The following RAB11FIP2 variants were observed in gnomAD, a reference collection of about 807,000 sequenced individuals.
RAB11FIP2 encodes the protein rab11 family-interacting protein 2.
Under a neutral mutation model 40.9 loss-of-function variants are expected in RAB11FIP2, and 16 were observed. The ratio of observed to expected loss-of-function variants is 0.39; its 90% CI spans 0.26 to 0.59. The LOEUF (loss-of-function observed/expected upper bound fraction) is 0.59. RAB11FIP2 is among the 20% of genes least tolerant of loss of function. The pLI, the probability that RAB11FIP2 is intolerant of heterozygous loss-of-function variation, is 0.53. For synonymous variants in RAB11FIP2, 228 were observed against 213.7 expected (o/e 1.07, Z -0.58); for missense variants, 532 against 606.2 (o/e 0.88, Z 1.28).
intron 3 of RAB11FIP2, among the ~76,000 whole-genome samples, chr10:118,032,239 C>A (rs1382560018): frequency 6.6e-6 from 1 of 152,008 alleles, no homozygotes; most frequent in Non-Finnish European, 1.5e-5. Flanking sequence ...GGGTAGCATA[C>A]AAATAGAAGC....
chr10:118,036,575 A>G (rs1233461861), intron 3 of RAB11FIP2, among the ~76,000 whole-genome samples: 1 of 152,124 alleles, frequency 6.6e-6, no homozygotes. Flanking sequence ...GGGTCTATTT[A>G]TATTCAATTC....
At chr10:118,019,492 T>G (rs1375611448) in intron 3 of RAB11FIP2, among the ~76,000 whole-genome samples, 2 of 151,810 alleles carry the variant, frequency 1.3e-5, no homozygotes, top group African/African-American at 2.4e-5. Context: ...TTCCAAGGAG[T>G]GTGTCCTATT....
chr10:118,031,300 T>C (rs1257734068), intron 3 of RAB11FIP2, among the ~76,000 whole-genome samples: 1 of 152,160 alleles, frequency 6.6e-6, no homozygotes, highest in Non-Finnish European at 1.5e-5. Context: ...AAACTATCAA[T>C]AGGCTCTTTT....
intron 4 of RAB11FIP2, among the ~76,000 whole-genome samples, chr10:118,013,697 C>T (rs1267866281): frequency 6.6e-6 from 1 of 151,986 alleles, no homozygotes; most frequent in Non-Finnish European, 1.5e-5. Context: ...AGTTAGTATT[C>T]CAGAGAAAAA....
rs139177744 is a variant in RAB11FIP2, at chr10:118,024,898, C to T, written c.1266-9788G>A. On this transcript the variant is annotated intron_variant, in intron 3 of 4. Coordinates refer to ENST00000355624, the MANE Select transcript of RAB11FIP2 (RefSeq NM_014904.3). Reference sequence around the variant, plus strand: ...AACAGCCTGCAATGAAGCCCCTGGCCAGCAAGCACCCACTTTCCTAGCCCC... The same window carrying T: ...AACAGCCTGCAATGAAGCCCCTGGCTAGCAAGCACCCACTTTCCTAGCCCC... Among the ~76,000 whole-genome samples the T allele has an allele frequency of 7.7e-3, 1,165 of 152,266 alleles. 8 individuals carry two copies. Among genetic ancestry groups the T allele is most frequent in the Non-Finnish European group, 0.012 (832 of 68,018 alleles).
chr10:118,039,709 G>A (rs1339767169), intron 2 of RAB11FIP2: 2 of 404,202 alleles, frequency 4.9e-6, no homozygotes, highest in Non-Finnish European at 8.8e-6. Context: ...TAGAGGTTCT[G>A]GTTGGCATGA....
intron 3 of RAB11FIP2, among the ~76,000 whole-genome samples, chr10:118,038,462 T>C (rs922664392): frequency 3.9e-5 from 6 of 152,020 alleles, no homozygotes; most frequent in African/African-American, 4.8e-5. Flanking sequence ...TGAATTCCAA[T>C]AACAAGCATT....
chr10:118,035,112 G>A (rs942411536), intron 3 of RAB11FIP2, among the ~76,000 whole-genome samples: 21 of 152,136 alleles, frequency 1.4e-4, no homozygotes, highest in Admixed American at 1.3e-3. Context: ...TGGAGGCCAT[G>A]TGTTAAATGG....
rs1846639154 is a variant in RAB11FIP2 at position 118,046,414 on chromosome 10, C to T, written c.-251G>A. ...CATCACCTGGCCGCGCCGTGCAGGC[C>T]TCTGCGCGGACCCCCGCCCCTGTCT... is the stretch of plus-strand genomic sequence containing the variant. On this transcript the variant is annotated 5_prime_UTR_variant, in exon 1 of 5. Transcript: ENST00000355624. 4.1e-6 allele frequency: 2 copies of T among 485,578 alleles called. No homozygotes were observed. The highest frequency in any genetic ancestry group is 3.9e-5 in the African/African-American group (2 of 51,680). 30.1% of individuals were successfully genotyped at this position (485,578 alleles called of 1,614,324 possible).
rs1846536096 is a variant in RAB11FIP2 at position 118,040,163 on chromosome 10, GAGA to G, written c.753_755del (p.Leu252del). ...TTCCAAAGGAATCTAACTGGTGTCC[GAGA>G]AGATGTGTTTGACCTATGGTGCCAG... On this transcript the variant is annotated inframe_deletion, in exon 2 of 5. Coordinates refer to ENST00000355624, the MANE Select transcript of RAB11FIP2 (RefSeq NM_014904.3). The G allele has an allele frequency of 1.9e-6, 3 of 1,613,610 alleles. No individual in the cohort carries two copies. The highest frequency in any genetic ancestry group is 2.5e-6 in the Non-Finnish European group (3 of 1,179,738).
In RAB11FIP2 at chr10:118,008,734, C is replaced by T. The variant is rs1846123381; in HGVS notation, c.*264G>A. ...CTATGGCAGATTAGTGGGTCAGTAC[C>T]AGCACCTGAGTGAGTCCTAAGGAAC... On this transcript the variant is annotated 3_prime_UTR_variant, in exon 5 of 5. Transcript: ENST00000355624. 2.4e-6 allele frequency: 1 copy of T among 421,372 alleles called. No homozygotes were observed. The highest frequency in any genetic ancestry group is 4.0e-5 in the Admixed American group (1 of 25,030). 26.1% of individuals were successfully genotyped at this position (421,372 alleles called of 1,614,324 possible). A position where few individuals can be genotyped will look rare whatever the true frequency, so the allele number is the denominator to read the frequency against.
chr10:118,023,712 C>A (rs1381242778), intron 3 of RAB11FIP2, among the ~76,000 whole-genome samples: 1 of 152,056 alleles, frequency 6.6e-6, no homozygotes, highest in African/African-American at 2.4e-5. Context: ...TGGTGAAAGT[C>A]CTAGAACTTG....
intron 3 of RAB11FIP2, among the ~76,000 whole-genome samples, chr10:118,023,602 G>C (rs1375948761): frequency 6.6e-6 from 1 of 152,048 alleles, no homozygotes; most frequent in Non-Finnish European, 1.5e-5. Context: ...AGCTCTCAGA[G>C]GCAAGACAAT....
chr10:118,020,968 C>A (rs761139155), intron 3 of RAB11FIP2, among the ~76,000 whole-genome samples: 1 of 152,066 alleles, frequency 6.6e-6, no homozygotes, highest in African/African-American at 2.4e-5. Flanking sequence ...CAATTTCTGG[C>A]GTATGCTCCA....
intron 4 of RAB11FIP2, among the ~76,000 whole-genome samples, chr10:118,009,764 C>T (rs1441469267): frequency 1.3e-5 from 2 of 152,106 alleles, no homozygotes; most frequent in Non-Finnish European, 2.9e-5. Context: ...ATTATCCTTA[C>T]AGGAAGCCCC....
At chr10:118,016,158 C>T (rs1846217259) in intron 3 of RAB11FIP2, among the ~76,000 whole-genome samples, 2 of 152,134 alleles carry the variant, frequency 1.3e-5, no homozygotes, top group South Asian at 2.1e-4. Context: ...AGAGAGTTTC[C>T]CATGTAACCA....
In RAB11FIP2 at chr10:118,046,713, T is replaced by TC. The variant is rs1846647875; in HGVS notation, c.-551dup. ...CTCGCAAACCTCTCCCTCCTCCTCC[T>TC]CCCCCTCGCCTCAGCTCCTCCTCTC... On this transcript the variant is annotated 5_prime_UTR_variant, in exon 1 of 5. Coordinates refer to ENST00000355624, the MANE Select transcript of RAB11FIP2 (RefSeq NM_014904.3). The TC allele has an allele frequency of 6.6e-6, 1 of 151,486 alleles. No individual in the cohort carries two copies. Among genetic ancestry groups the TC allele is most frequent in the African/African-American group, 2.4e-5 (1 of 41,192 alleles). The allele number at this position is 151,486 out of a possible 1,614,324, so 9.4% of individuals were successfully genotyped here.
chr10:118,008,147 A>G lies in RAB11FIP2; in HGVS notation c.*851T>C, dbSNP rs1846116091. 6.6e-6 allele frequency: 1 copy of G among 152,318 alleles called. No homozygotes were observed. Among genetic ancestry groups the G allele is most frequent in the African/African-American group, 2.4e-5 (1 of 41,464 alleles). The allele number at this position is 152,318 out of a possible 1,614,324, so 9.4% of individuals were successfully genotyped here. On this transcript the variant is annotated 3_prime_UTR_variant, in exon 5 of 5. Transcript: ENST00000355624. Reference sequence around the variant, plus strand: ...CTGCTTATACCTTAAACAAACTCAAATGTTAATTAATTCAAATAAATTCAT... The same window carrying G: ...CTGCTTATACCTTAAACAAACTCAAGTGTTAATTAATTCAAATAAATTCAT...
chr10:118,036,132 A>T (rs2133179513), intron 3 of RAB11FIP2, among the ~76,000 whole-genome samples: 1 of 152,262 alleles, frequency 6.6e-6, no homozygotes. Context: ...AAAATTCTCC[A>T]GTTTTAATAA....
Sources: allele counts gnomAD v4.1 joint callset (sites outside exome capture counted in the v4.1 genomes callset), GRCh38; gene constraint gnomAD v4.1.1; transcripts MANE v1.5; gene names NCBI Gene and HGNC (gene_info 2026-07-23, HGNC 2026-07-21).